Variants in SESTD1 observed in about 807,000 individuals in gnomAD.
The protein encoded by SESTD1 is SEC14 domain and spectrin repeat-containing protein 1.
In SESTD1, 43 loss-of-function variants were observed where a neutral mutation model predicts 101.7. The observed-to-expected ratio is 0.42, with a 90% CI of 0.33 to 0.55. SESTD1 has a LOEUF of 0.55. SESTD1 is among the 20% of genes least tolerant of loss of function. The pLI is 0.07. For synonymous variants in SESTD1, 283 were observed against 286.8 expected (o/e 0.99, Z 0.13); for missense variants, 647 against 815.1 (o/e 0.79, Z 2.51).
intron 1 of SESTD1, 63 bp downstream of exon 1, chr2:179,264,436 C>G (rs1436300752): frequency 2.0e-5 from 3 of 150,744 alleles, no homozygotes; most frequent in East Asian, 3.9e-4. Context: ...CGGCCCAAGC[C>G]GGCCACCCGG....
chr2:179,232,104 C>T (rs957032240), intron 1 of SESTD1, among the ~76,000 whole-genome samples: 1 of 151,970 alleles, frequency 6.6e-6, no homozygotes, highest in Admixed American at 6.5e-5. Context: ...AAAAAGTGCA[C>T]ACATATTAGG....
intron 1 of SESTD1, among the ~76,000 whole-genome samples, chr2:179,259,271 G>A (rs1054033414): frequency 6.6e-6 from 1 of 152,014 alleles, no homozygotes; most frequent in African/African-American, 2.4e-5. Context: ...TCACTCTGTC[G>A]CCCAGGCTGG....
chr2:179,210,588 A>T lies in SESTD1; in HGVS notation c.-25-18722T>A, dbSNP rs1457891695. Among the ~76,000 whole-genome samples the T allele has an allele frequency of 3.0e-5, 4 of 135,048 alleles. 1 individual carries two copies. The highest frequency in any genetic ancestry group is 5.8e-5 in the African/African-American group (2 of 34,282). The allele number at this position is 135,048 out of a possible 152,430, so 88.6% of individuals were successfully genotyped here. ...AAACAATTAAAAACAAAAATCATAT[A>T]ATCATCTCAATAGATGCTGAAAAAG... On this transcript the variant is annotated intron_variant, in intron 1 of 17. Transcript: ENST00000428443.
chr2:179,128,256 G>A (rs1409774226), intron 10 of SESTD1, among the ~76,000 whole-genome samples: 1 of 152,212 alleles, frequency 6.6e-6, no homozygotes, highest in Non-Finnish European at 1.5e-5. Flanking sequence ...GACCAGGGAT[G>A]TAAATACATT....
intron 1 of SESTD1, among the ~76,000 whole-genome samples, chr2:179,202,493 T>C (rs2105510476): frequency 7.4e-6 from 1 of 135,090 alleles, no homozygotes. Flanking sequence ...ATTCTCAATG[T>C]AATCAAAAAA....
At chr2:179,136,216 T>C (rs2045140571) in intron 9 of SESTD1, among the ~76,000 whole-genome samples, 1 of 152,218 alleles carries the variant, frequency 6.6e-6, no homozygotes, top group African/African-American at 2.4e-5. Context: ...ATACCTACAG[T>C]ACAGGGCTGT....
intron 1 of SESTD1, among the ~76,000 whole-genome samples, chr2:179,246,865 C>T (rs2047238747): frequency 6.6e-6 from 1 of 152,150 alleles, no homozygotes; most frequent in Admixed American, 6.6e-5. Context: ...GAGAAGGTGG[C>T]AGAGTGAAAG....
At chr2:179,191,706 T>A (rs559428560) in intron 2 of SESTD1, 81 bp downstream of exon 2, 4 of 1,122,178 alleles carry the variant, frequency 3.6e-6, no homozygotes, top group East Asian at 2.5e-5. Flanking sequence ...TAAAAAAAAA[T>A]GCATCTGTCA....
chr2:179,114,706 T>G (rs1284206707), intron 16 of SESTD1, among the ~76,000 whole-genome samples: 1 of 152,164 alleles, frequency 6.6e-6, no homozygotes, highest in South Asian at 2.1e-4. Flanking sequence ...TTAATAGCAG[T>G]TGCCAAAGCA....
rs553784510 is a variant in SESTD1 at position 179,254,206 on chromosome 2, TA to T, written c.-26+10292del. ...TAAAAAGGATGACCAGGAACTGAAC[TA>T]AGACAAAGACTATGGAAATAATGTA... On this transcript the variant is annotated intron_variant, in intron 1 of 17. Transcript: ENST00000428443. 1.5e-4 allele frequency among the ~76,000 whole-genome samples: 23 copies of T among 152,200 alleles called. No homozygotes were observed. The South Asian group carries it at 3.7e-3, about 25-fold the overall frequency.
chr2:179,184,559 C>CA (rs397960616), intron 2 of SESTD1, among the ~76,000 whole-genome samples: 2,631 of 140,770 alleles, frequency 0.019, 57 homozygotes, highest in African/African-American at 0.056. Context: ...TGTCATTTCT[C>CA]AAAAAAAAAA....
At chr2:179,191,493 G>A (rs542702831) in intron 2 of SESTD1, among the ~76,000 whole-genome samples, 5 of 152,048 alleles carry the variant, frequency 3.3e-5, no homozygotes, top group Non-Finnish European at 5.9e-5. Context: ...TCACTACCTG[G>A]GTGAGGAGAA....
intron 12 of SESTD1, among the ~76,000 whole-genome samples, chr2:179,123,069 T>G (rs747313806): frequency 1.3e-5 from 2 of 152,266 alleles, no homozygotes; most frequent in Middle Eastern, 3.4e-3. Context: ...ATTTCCCCTT[T>G]TGTCCCCCCT....
At chr2:179,185,834 A>G (rs1479311373) in intron 2 of SESTD1, among the ~76,000 whole-genome samples, 1 of 132,012 alleles carries the variant, frequency 7.6e-6, no homozygotes, top group African/African-American at 2.8e-5. Context: ...TATATATAAT[A>G]TATAATATAG....
Position 179,186,100 on chromosome 2 carries a change from CAT to C in SESTD1, c.56-2914_56-2913del, listed in dbSNP as rs1295447516. ...TATAATATAATACATACTAGGAAAA[CAT>C]GTCAATTATACAGAGACATAACATA... On this transcript the variant is annotated intron_variant, in intron 2 of 17. Transcript: ENST00000428443. 6.8e-5 allele frequency among the ~76,000 whole-genome samples: 10 copies of C among 147,950 alleles called. No homozygotes were observed. In the South Asian group the frequency reaches 2.1e-3, roughly 31 times the overall value.
intron 1 of SESTD1, among the ~76,000 whole-genome samples, chr2:179,235,575 C>T (rs1364013555): frequency 1.3e-5 from 2 of 152,204 alleles, no homozygotes; most frequent in Non-Finnish European, 2.9e-5. Context: ...TTATTCTTTT[C>T]CTGTACCCTC....
intron 5 of SESTD1, among the ~76,000 whole-genome samples, chr2:179,168,242 A>G (rs2045869805): frequency 6.6e-6 from 1 of 152,180 alleles, no homozygotes; most frequent in South Asian, 2.1e-4. Context: ...ATCCACTTCT[A>G]CTTAATAAAT....
chr2:179,130,989 G>A (rs1027793096), intron 10 of SESTD1, among the ~76,000 whole-genome samples: 2 of 150,314 alleles, frequency 1.3e-5, no homozygotes, highest in African/African-American at 5.0e-5. Flanking sequence ...CCTGTGAAAT[G>A]CATAAAATAA....
At chr2:179,114,932 CA>C (rs1320509127) in intron 16 of SESTD1, 132 bp downstream of exon 16, 2 of 783,316 alleles carry the variant, frequency 2.6e-6, no homozygotes, top group African/African-American at 3.5e-5. Context: ...TATATCTAAA[CA>C]AACCGTAACA....
Sources: allele counts gnomAD v4.1 joint callset (sites outside exome capture counted in the v4.1 genomes callset), GRCh38; gene constraint gnomAD v4.1.1; transcripts MANE v1.5; gene names NCBI Gene and HGNC (gene_info 2026-07-23, HGNC 2026-07-21).